MOGAT2: variants seen among roughly 807,000 people sequenced by gnomAD.
MOGAT2 encodes the protein 2-acylglycerol O-acyltransferase 2.
Under a neutral mutation model 31.5 loss-of-function variants are expected in MOGAT2, and 27 were observed. The ratio of observed to expected loss-of-function variants is 0.86; its 90% CI spans 0.63 to 1.18. The LOEUF (loss-of-function observed/expected upper bound fraction) is 1.18. Among genes scored for constraint, MOGAT2 ranks in the 50% most tolerant of loss-of-function variants. MOGAT2 has a pLI of 0.00. For missense variants in MOGAT2, 436 were observed against 433.2 expected (o/e 1.01, Z -0.06); for synonymous variants, 163 against 170.0 (o/e 0.96, Z 0.32).
At position 75,731,256 on chromosome 11, in the gene MOGAT2, C is replaced by A. The variant is rs139594944; in HGVS notation, c.975C>A (p.Ile325=). 2.9e-3 allele frequency: 4,705 copies of A among 1,614,158 alleles called. 14 individuals carry two copies. The highest frequency in any genetic ancestry group is 4.0e-3 in the Middle Eastern group (24 of 6,062). ...LFEAHKLKFN[I]PADQHLEFC ...AGGCCCACAAACTTAAGTTCAACAT[C>A]CCTGCTGACCAGCACTTGGAGTTCT... Residue 325 remains isoleucine, a synonymous_variant, in exon 6 of 6, where the codon ATC becomes ATA. Coordinates refer to ENST00000198801, the MANE Select transcript of MOGAT2 (RefSeq NM_025098.4).
intron 2 of MOGAT2, among the ~76,000 whole-genome samples, chr11:75,721,235 C>T (rs1406974859): frequency 1.3e-5 from 2 of 152,192 alleles, no homozygotes; most frequent in Non-Finnish European, 2.9e-5. Flanking sequence ...ACACATACCT[C>T]ACTGGGTTGT....
chr11:75,731,181 G>A lies in MOGAT2; in HGVS notation c.900G>A (p.Glu300=), dbSNP rs762355290. 1.2e-5 allele frequency: 19 copies of A among 1,614,100 alleles called. No individual in the cohort carries two copies. The East Asian group carries it at 4.2e-4, about 36-fold the overall frequency. Residue 300 remains glutamate (E), a synonymous_variant, in exon 6 of 6, where the codon GAG becomes GAA. Transcript: ENST00000198801. ...AGACGCTGCATCCCTCGGAGGAGGA[G>A]GTGAACCAGCTGCACCAGCGTTATA... ...VQKTLHPSEE[E]VNQLHQRYIK... is the part of the protein sequence containing the mutation.
chr11:75,722,984 G>A (rs902750428), intron 2 of MOGAT2, among the ~76,000 whole-genome samples: 3 of 152,072 alleles, frequency 2.0e-5, no homozygotes, highest in African/African-American at 7.2e-5. Context: ...TTTTCGAGAC[G>A]GAGTTTCACT....
intron 5 of MOGAT2, among the ~76,000 whole-genome samples, chr11:75,729,549 A>G (rs1219488784): frequency 6.6e-6 from 1 of 152,098 alleles, no homozygotes; most frequent in Non-Finnish European, 1.5e-5. Flanking sequence ...TGCTGGAATT[A>G]CAGGCATGAG....
rs74744271 is a variant in MOGAT2, at chr11:75,719,804, C to G, written c.92-188C>G. On this transcript the variant is annotated intron_variant, in intron 1 of 5. Transcript: ENST00000198801. The stretch of plus-strand genomic sequence containing the variant: ...CGTGCTCCCAGTGACACTGGGCTGG[C>G]CGTAGTCCCTCTCAGGGACTTTGTC... 1,597 of 595,676 alleles carry G rather than the reference C, an allele frequency of 2.7e-3. 11 individuals carry two copies. The highest frequency in any genetic ancestry group is 0.026 in the African/African-American group (1,422 of 53,988). 36.9% of individuals were successfully genotyped at this position (595,676 alleles called of 1,614,324 possible). A position where few individuals can be genotyped will look rare whatever the true frequency, so the allele number is the denominator to read the frequency against.
rs147020027 is a variant in MOGAT2 at position 75,726,457 on chromosome 11, A to C, written c.271-978A>C. Among the ~76,000 whole-genome samples, 395 of 152,322 alleles carry C rather than the reference A, an allele frequency of 2.6e-3. 1 individual carries two copies. Among genetic ancestry groups the C allele is most frequent in the African/African-American group, 9.3e-3 (385 of 41,572 alleles). On this transcript the variant is annotated intron_variant, in intron 2 of 5. Coordinates refer to ENST00000198801, the MANE Select transcript of MOGAT2 (RefSeq NM_025098.4). ...ATCCACTGATGCTCACGTCCCTCGT[A>C]TAAAATGATGTAATATTTGCCTATA...
At chr11:75,725,329 G>C (rs1032123611) in intron 2 of MOGAT2, among the ~76,000 whole-genome samples, 1 of 152,130 alleles carries the variant, frequency 6.6e-6, no homozygotes, top group Non-Finnish European at 1.5e-5. Context: ...CAGATCACAC[G>C]AGGCCAGGAG....
chr11:75,719,145 C>T (rs1944355285), intron 1 of MOGAT2, among the ~76,000 whole-genome samples: 1 of 152,198 alleles, frequency 6.6e-6, no homozygotes, highest in Non-Finnish European at 1.5e-5. Context: ...TTACACATTC[C>T]TGTATACCCC....
intron 2 of MOGAT2, among the ~76,000 whole-genome samples, chr11:75,723,018 G>A (rs1403359572): frequency 2.6e-5 from 4 of 152,158 alleles, no homozygotes; most frequent in Admixed American, 1.3e-4. Flanking sequence ...CTGGAATGCA[G>A]TGGCGTGATC....
rs1040387911 is a variant in MOGAT2 at position 75,717,901 on chromosome 11, G to A, written c.13G>A (p.Ala5Thr). 9.9e-6 allele frequency: 16 copies of A among 1,614,036 alleles called. No individual in the cohort carries two copies. Among genetic ancestry groups the A allele is most frequent in the Admixed American group, 1.7e-5 (1 of 60,004 alleles). MVEF[A>T]PLFMPWERRL... The stretch of plus-strand genomic sequence containing the variant: ...CTGACCCGCCAGCATGGTAGAGTTC[G>A]CGCCCTTGTTTATGCCGTGGGAGCG... The change falls in exon 1 of 6, where the codon GCG (alanine) becomes ACG (threonine). Residue 5 changes from alanine to threonine, a missense_variant. By Grantham distance (58) the Ala-to-Thr change is moderately conservative (BLOSUM62 0). Coordinates refer to ENST00000198801, the MANE Select transcript of MOGAT2 (RefSeq NM_025098.4).
At chr11:75,719,786 C>G in intron 1 of MOGAT2, 1 of 563,994 alleles carries the variant, frequency 1.8e-6, no homozygotes, top group East Asian at 2.8e-5. Flanking sequence ...ACGCGTGCTC[C>G]CAGTGACACT....
intron 2 of MOGAT2, among the ~76,000 whole-genome samples, chr11:75,725,281 C>T (rs1044661397): frequency 4.6e-5 from 7 of 152,056 alleles, no homozygotes; most frequent in Admixed American, 2.0e-4. Context: ...AGGCCAGGCA[C>T]GGAGGCTCAC....
chr11:75,718,064 T>C, intron 1 of MOGAT2, 85 bp downstream of exon 1: 2 of 1,304,356 alleles, frequency 1.5e-6, no homozygotes, highest in South Asian at 1.2e-5. Flanking sequence ...AGCACATTGA[T>C]GGTGGCAAGA....
Position 75,731,141 on chromosome 11 carries a change from C to T in MOGAT2, c.860C>T (p.Pro287Leu), listed in dbSNP as rs780571562. 6.8e-6 allele frequency: 11 copies of T among 1,613,734 alleles called. No individual in the cohort carries two copies. In the East Asian group the frequency reaches 2.5e-4, roughly 36 times the overall value. Residue 287 changes from proline to leucine, a missense_variant, in exon 6 of 6, where the codon CCC becomes CTC. Coordinates refer to ENST00000198801, the MANE Select transcript of MOGAT2 (RefSeq NM_025098.4). ...RRPITTVVGK[P>L]IEVQKTLHPS... The stretch of plus-strand genomic sequence containing the variant: ...CCTCTATGCCTTGCAGTGGGGAAGC[C>T]CATCGAGGTACAGAAGACGCTGCAT...
At chr11:75,722,987 GT>G (rs2135732915) in intron 2 of MOGAT2, among the ~76,000 whole-genome samples, 1 of 152,258 alleles carries the variant, frequency 6.6e-6, no homozygotes, top group South Asian at 2.1e-4. Flanking sequence ...TCGAGACGGA[GT>G]TTCACTTTTG....
chr11:75,728,791 G>A lies in MOGAT2; in HGVS notation c.652G>A (p.Ala218Thr), dbSNP rs769964013. Residue 218 changes from alanine (A) to threonine (T), a missense_variant and splice_region_variant, in exon 5 of 6, where the codon GCA (alanine) becomes ACA (threonine). Ala to Thr is a moderately conservative substitution (Grantham distance 58, BLOSUM62 0). Coordinates refer to ENST00000198801, the MANE Select transcript of MOGAT2 (RefSeq NM_025098.4). ...CCTCTTTCCTCTATTTGTCTCCAGG[G>A]CACCCCTGGTGCCAATCTTCTCCTT... ...GFVRLALTHG[A>T]PLVPIFSFGE... 8 of 1,613,822 alleles carry A rather than the reference G, an allele frequency of 5.0e-6. No homozygotes were observed. The Admixed American group carries it at 1.0e-4, about 20-fold the overall frequency.
chr11:75,728,019 G>T lies in MOGAT2; in HGVS notation c.525G>T (p.Lys175Asn), dbSNP rs763212510. 3 of 1,613,800 alleles carry T rather than the reference G, an allele frequency of 1.9e-6. No homozygotes were observed. The African/African-American group carries it at 4.0e-5, about 22-fold the overall frequency. ...KESAAHILNR[K>N]GGGNLLGIIV... ...GTGCTGCTCACATTCTGAACAGGAA[G>T]GGTGGCGGAAACTTGCTGGGCATCA... The change falls in exon 4 of 6, where the codon AAG becomes AAT. Residue 175 changes from lysine to asparagine, a missense_variant. Transcript: ENST00000198801.
rs1448651953 is a variant in MOGAT2, at chr11:75,719,792, A to G, written c.92-200A>G. On this transcript the variant is annotated intron_variant, in intron 1 of 5. Coordinates refer to ENST00000198801, the MANE Select transcript of MOGAT2 (RefSeq NM_025098.4). ...CTAGGCTCAACGCGTGCTCCCAGTG[A>G]CACTGGGCTGGCCGTAGTCCCTCTC... The G allele has an allele frequency of 1.4e-5, 8 of 575,318 alleles. No homozygotes were observed. The Middle Eastern group carries it at 2.3e-3, about 166-fold the overall frequency. 35.6% of individuals were successfully genotyped at this position (575,318 alleles called of 1,614,324 possible). A position where few individuals can be genotyped will look rare whatever the true frequency, so the allele number is the denominator to read the frequency against.
intron 2 of MOGAT2, among the ~76,000 whole-genome samples, chr11:75,724,588 G>C (rs1415491130): frequency 6.6e-6 from 1 of 152,050 alleles, no homozygotes; most frequent in East Asian, 1.9e-4. Flanking sequence ...CTTGAACCCA[G>C]GAGGCAGAGG....
Sources: gnomAD v4.1 joint callset for allele counts (sites outside exome capture counted in the v4.1 genomes callset) on GRCh38, gnomAD v4.1.1 for gene constraint, MANE v1.5 for transcripts, NCBI Gene and HGNC (gene_info 2026-07-23, HGNC 2026-07-21) for gene names.